The following MEGF9 variants were observed in gnomAD, a reference collection of about 807,000 sequenced individuals.
MEGF9 encodes multiple EGF like domains 9, also known as multiple epidermal growth factor-like domains protein 9.
Under a neutral mutation model 46.8 loss-of-function variants are expected in MEGF9, and 6 were observed. That is an observed-to-expected ratio of 0.13 (90% CI 0.07 to 0.25). The LOEUF (loss-of-function observed/expected upper bound fraction) is 0.25. MEGF9 is among the 10% of genes least tolerant of loss of function. MEGF9 has a pLI of 1.00. For synonymous variants in MEGF9, 302 were observed against 330.7 expected (o/e 0.91, Z 0.94); for missense variants, 683 against 792.4 (o/e 0.86, Z 1.66).
chr9:120,610,890 T>C (rs2043442216), intron 4 of MEGF9, among the ~76,000 whole-genome samples: 1 of 152,154 alleles, frequency 6.6e-6, no homozygotes, highest in Non-Finnish European at 1.5e-5. Context: ...ATCTAGAATA[T>C]ATAAAGAATT....
chr9:120,695,430 C>G (rs2043871357), intron 1 of MEGF9, among the ~76,000 whole-genome samples: 1 of 151,174 alleles, frequency 6.6e-6, no homozygotes, highest in Non-Finnish European at 1.5e-5. Flanking sequence ...ATGGTGAAAC[C>G]CCGTCTCTAC....
At position 120,714,095 on chromosome 9, in the gene MEGF9, G is replaced by C. The variant is rs533107931; in HGVS notation, c.264C>G (p.His88Gln). 21 of 1,252,816 alleles carry C rather than the reference G, an allele frequency of 1.7e-5. No homozygotes were observed. The Admixed American group carries it at 3.6e-4, about 22-fold the overall frequency. 77.6% of individuals were successfully genotyped at this position (1,252,816 alleles called of 1,614,324 possible). A position where few individuals can be genotyped will look rare whatever the true frequency, so the allele number is the denominator to read the frequency against. ...CTGGAGAAGTCGCAGCCAGGGGTCG[G>C]TGGACGGTGGCGCGCGGGGGCCCGG... ...PRTGPPRATV[H>Q]RPLAATSPAQ... is the part of the protein sequence containing the mutation. Residue 88 changes from histidine (H) to glutamine (Q), a missense_variant, in exon 1 of 6, where the codon CAC becomes CAG. His to Gln is a conservative substitution (Grantham distance 24). Transcript: ENST00000373930.
In MEGF9 at chr9:120,611,865, A is replaced by AGGAAGAAAGAG. The variant is rs572613293; in HGVS notation, c.1087+530_1087+531insCTCTTTCTTCC. ...GAAGGAAGGAAGGAAGGAAGGAAGA[A>AGGAAGAAAGAG]AGAGAGAGAGAGAGAGAGAGAAAGA... On this transcript the variant is annotated intron_variant, in intron 4 of 5. Coordinates refer to ENST00000373930, the MANE Select transcript of MEGF9 (RefSeq NM_001080497.3). 6.9e-4 allele frequency among the ~76,000 whole-genome samples: 95 copies of AGGAAGAAAGAG among 137,204 alleles called. 1 individual carries two copies. The highest frequency in any genetic ancestry group is 2.5e-3 in the African/African-American group (84 of 33,940). The allele number at this position is 137,204 out of a possible 152,430, so 90.0% of individuals were successfully genotyped here.
chr9:120,607,978 A>G lies in MEGF9; in HGVS notation c.1120T>C (p.Cys374Arg). 6.2e-7 allele frequency: 1 copy of G among 1,614,000 alleles called. No individual in the cohort carries two copies. Among genetic ancestry groups the G allele is most frequent in the Non-Finnish European group, 8.5e-7 (1 of 1,179,856 alleles). The part of the protein sequence containing the change: ...SSELEPECDQ[C>R]KDGYIGPNCN... ...TTCGGGCCTATGTAACCATCTTTAC[A>G]CTGGTCACATTCAGGTTCCAATTCA... The change falls in exon 5 of 6, where the codon TGT becomes CGT. Residue 374 changes from cysteine (C) to arginine (R), a missense_variant. By Grantham distance (180) the Cys-to-Arg change is radical (BLOSUM62 -3). Around this residue, in one of 2 missense-constraint regions of MEGF9, gnomAD observed 313 missense variants for 421.1 expected, o/e 0.74. Transcript: ENST00000373930.
At chr9:120,652,478 T>TAAAAAAA (rs57268783) in intron 2 of MEGF9, among the ~76,000 whole-genome samples, 4 of 85,620 alleles carry the variant, frequency 4.7e-5, no homozygotes, top group East Asian at 3.4e-4. Flanking sequence ...GATCTTGTCT[T>TAAAAAAA]AAAAAAAAAA....
chr9:120,707,846 C>G lies in MEGF9; in HGVS notation c.601+5912G>C, dbSNP rs143944546. Reference sequence around the variant, plus strand: ...TCATTTGAGGTCAGGAGTTCAAGACCAGCCTGACCAACATGGTGAAACCCC... The same window carrying G: ...TCATTTGAGGTCAGGAGTTCAAGACGAGCCTGACCAACATGGTGAAACCCC... On this transcript the variant is annotated intron_variant, in intron 1 of 5. Coordinates refer to ENST00000373930, the MANE Select transcript of MEGF9 (RefSeq NM_001080497.3). 6.9e-4 allele frequency among the ~76,000 whole-genome samples: 105 copies of G among 151,910 alleles called. 1 individual carries two copies. The highest frequency in any genetic ancestry group is 4.0e-3 in the Admixed American group (61 of 15,252).
intron 4 of MEGF9, among the ~76,000 whole-genome samples, chr9:120,609,394 C>T (rs2043434610): frequency 6.6e-6 from 1 of 152,284 alleles, no homozygotes; most frequent in African/African-American, 2.4e-5. Flanking sequence ...CCTTGATTCC[C>T]TCAGTTTAGG....
chr9:120,616,131 T>A (rs998996077), intron 3 of MEGF9, among the ~76,000 whole-genome samples: 1 of 151,972 alleles, frequency 6.6e-6, no homozygotes, highest in African/African-American at 2.4e-5. Context: ...TATACATGCA[T>A]CACTTTTATT....
At chr9:120,701,829 G>T (rs981788540) in intron 1 of MEGF9, among the ~76,000 whole-genome samples, 1 of 152,116 alleles carries the variant, frequency 6.6e-6, no homozygotes, top group African/African-American at 2.4e-5. Flanking sequence ...CGGATCACGA[G>T]GTCAGGAGAT....
chr9:120,653,518 C>T lies in MEGF9; in HGVS notation c.803+5856G>A, dbSNP rs557600516. Reference sequence around the variant, plus strand: ...TCCCAAGCAGCTGGGATTACAGGCGCATGCCACCACATCCAGCTAATTTTT... The same window carrying T: ...TCCCAAGCAGCTGGGATTACAGGCGTATGCCACCACATCCAGCTAATTTTT... On this transcript the variant is annotated intron_variant, in intron 2 of 5. Coordinates refer to ENST00000373930, the MANE Select transcript of MEGF9 (RefSeq NM_001080497.3). Among the ~76,000 whole-genome samples the T allele has an allele frequency of 2.4e-3, 357 of 151,880 alleles. 2 individuals are homozygous for T. The highest frequency in any genetic ancestry group is 8.3e-3 in the African/African-American group (346 of 41,446).
chr9:120,688,595 G>A (rs1272576172), intron 1 of MEGF9, among the ~76,000 whole-genome samples: 1 of 152,076 alleles, frequency 6.6e-6, no homozygotes, highest in Non-Finnish European at 1.5e-5. Context: ...TACTTAAATA[G>A]GTTAAGTATT....
rs1409995825 is a variant in MEGF9 at position 120,659,462 on chromosome 9, T to C, written c.715A>G (p.Lys239Glu). 1.9e-6 allele frequency: 3 copies of C among 1,613,750 alleles called. No individual in the cohort carries two copies. Among genetic ancestry groups the C allele is most frequent in the Non-Finnish European group, 2.5e-6 (3 of 1,179,886 alleles). The change falls in exon 2 of 6, where the codon AAA becomes GAA. Residue 239 changes from lysine to glutamate, a missense_variant. By Grantham distance (56) the Lys-to-Glu change is moderately conservative. Transcript: ENST00000373930. The stretch of plus-strand genomic sequence containing the variant: ...GTGTAATTTAGGTAAAAGCCCTCTT[T>C]GCAGGTTTCACAGTGAAGCCCCTGA... ...GYQGLHCETC[K>E]EGFYLNYTSG...
intron 1 of MEGF9, among the ~76,000 whole-genome samples, chr9:120,683,125 G>C (rs1456067613): frequency 6.6e-6 from 1 of 152,084 alleles, no homozygotes; most frequent in Non-Finnish European, 1.5e-5. Flanking sequence ...ATCCAACATG[G>C]AATGATTCCC....
intron 1 of MEGF9, among the ~76,000 whole-genome samples, chr9:120,690,501 A>G (rs2043843382): frequency 6.6e-6 from 1 of 152,174 alleles, no homozygotes; most frequent in Non-Finnish European, 1.5e-5. Context: ...CAGATGTAGA[A>G]TGTTTGGCAA....
chr9:120,671,255 A>G (rs1282146125), intron 1 of MEGF9, among the ~76,000 whole-genome samples: 2 of 152,098 alleles, frequency 1.3e-5, no homozygotes, highest in East Asian at 3.8e-4. Flanking sequence ...TTGGTTCCCA[A>G]TGAATCCAGG....
At chr9:120,682,578 C>CAA (rs2043803468) in intron 1 of MEGF9, among the ~76,000 whole-genome samples, 1 of 151,728 alleles carries the variant, frequency 6.6e-6, no homozygotes, top group South Asian at 2.1e-4. Flanking sequence ...TTCTTACACA[C>CAA]ACACACACAC....
At chr9:120,624,193 G>C (rs1029958682) in intron 2 of MEGF9, among the ~76,000 whole-genome samples, 1 of 152,162 alleles carries the variant, frequency 6.6e-6, no homozygotes, top group African/African-American at 2.4e-5. Context: ...GTAGTTGTCT[G>C]AGTGTACATA....
chr9:120,663,288 T>A (rs755316841), intron 1 of MEGF9, among the ~76,000 whole-genome samples: 3 of 152,206 alleles, frequency 2.0e-5, no homozygotes, highest in Non-Finnish European at 4.4e-5. Flanking sequence ...AATGAAATGA[T>A]GCAAGTTAAA....
At chr9:120,639,373 G>C (rs2043592251) in intron 2 of MEGF9, among the ~76,000 whole-genome samples, 1 of 151,922 alleles carries the variant, frequency 6.6e-6, no homozygotes, top group African/African-American at 2.4e-5. Flanking sequence ...GCCGGGCATG[G>C]CGGCATGCGC....
Sources: allele counts gnomAD v4.1 joint callset (sites outside exome capture counted in the v4.1 genomes callset), GRCh38; gene constraint gnomAD v4.1.1; regional missense constraint gnomAD v4.1.1; transcripts MANE v1.5; gene names NCBI Gene and HGNC (gene_info 2026-07-23, HGNC 2026-07-21).